PPP1R9A: variants seen among roughly 807,000 people sequenced by gnomAD.
The protein encoded by PPP1R9A is protein phosphatase 1 regulatory subunit 9A, also known as neurabin-1.
PPP1R9A carries 59 observed loss-of-function variants against 141.9 expected under a neutral mutation model. The ratio of observed to expected loss-of-function variants is 0.42; its 90% CI spans 0.34 to 0.52. The LOEUF (loss-of-function observed/expected upper bound fraction) is 0.52, where lower values mean the gene tolerates loss of function less well. PPP1R9A is among the 20% of genes least tolerant of loss of function. The pLI, the probability that PPP1R9A is intolerant of heterozygous loss-of-function variation, is 0.10. For missense variants in PPP1R9A, 1,444 were observed against 1,611.9 expected (o/e 0.90, Z 1.78); for synonymous variants, 500 against 569.7 (o/e 0.88, Z 1.74).
chr7:95,181,685 GTCACATATATATAGAATATA>G (rs1833855983), intron 5 of PPP1R9A, among the ~76,000 whole-genome samples: 1 of 117,956 alleles, frequency 8.5e-6, no homozygotes, highest in Non-Finnish European at 1.7e-5. Flanking sequence ...TATATATTCC[GTCACATATATATAGAATATA>G]TATATATTCC....
chr7:95,026,510 A>G (rs1806864865), intron 2 of PPP1R9A, among the ~76,000 whole-genome samples: 2 of 152,152 alleles, frequency 1.3e-5, no homozygotes, highest in Admixed American at 6.5e-5. Flanking sequence ...TGAGGTGTCT[A>G]TTGGTCCCTG....
intron 7 of PPP1R9A, among the ~76,000 whole-genome samples, chr7:95,209,894 A>G (rs1480006576): frequency 6.6e-6 from 1 of 152,236 alleles, no homozygotes; most frequent in African/African-American, 2.4e-5. Context: ...AGGAAAATTC[A>G]GGGAAATACA....
intron 4 of PPP1R9A, among the ~76,000 whole-genome samples, chr7:95,132,699 G>A (rs1043721009): frequency 6.6e-6 from 1 of 151,970 alleles, no homozygotes; most frequent in Admixed American, 6.5e-5. Flanking sequence ...TCACCCGCCC[G>A]CTGCAGGCTG....
intron 7 of PPP1R9A, among the ~76,000 whole-genome samples, chr7:95,225,497 G>A (rs1031202577): frequency 7.2e-5 from 11 of 152,086 alleles, no homozygotes; most frequent in African/African-American, 2.7e-4. Flanking sequence ...GAACTCTAAC[G>A]CTTAGGAGAA....
intron 5 of PPP1R9A, among the ~76,000 whole-genome samples, chr7:95,172,541 T>C (rs1465049950): frequency 2.0e-5 from 3 of 151,772 alleles, no homozygotes; most frequent in Non-Finnish European, 3.0e-5. Flanking sequence ...GATGACAGCA[T>C]CCAAAATATT....
chr7:95,060,416 G>A (rs898537098), intron 2 of PPP1R9A, among the ~76,000 whole-genome samples: 6 of 152,144 alleles, frequency 3.9e-5, no homozygotes, highest in Non-Finnish European at 7.4e-5. Flanking sequence ...TTTGAACTTG[G>A]AATGAACTAA....
chr7:94,987,042 G>A, intron 2 of PPP1R9A, among the ~76,000 whole-genome samples: 1 of 152,192 alleles, frequency 6.6e-6, no homozygotes, highest in South Asian at 2.1e-4. Flanking sequence ...GAACTATCCA[G>A]TTCCTTGGTG....
At chr7:95,217,521 A>C (rs1371098798) in intron 7 of PPP1R9A, among the ~76,000 whole-genome samples, 1 of 151,924 alleles carries the variant, frequency 6.6e-6, no homozygotes, top group Admixed American at 6.6e-5. Context: ...TTTTCTATTG[A>C]TTGGAATAGT....
At chr7:95,079,343 C>A (rs1278237460) in intron 2 of PPP1R9A, among the ~76,000 whole-genome samples, 2 of 152,234 alleles carry the variant, frequency 1.3e-5, no homozygotes, top group African/African-American at 4.8e-5. Flanking sequence ...TGATCTATAT[C>A]TCTGTTTTGG....
At chr7:95,087,932 T>C (rs1411638695) in intron 2 of PPP1R9A, among the ~76,000 whole-genome samples, 2 of 150,574 alleles carry the variant, frequency 1.3e-5, no homozygotes, top group East Asian at 1.9e-4. Flanking sequence ...AAAGGAATCA[T>C]GAAAGGGAAT....
chr7:95,199,992 A>G (rs1352488300), intron 6 of PPP1R9A, among the ~76,000 whole-genome samples: 1 of 151,904 alleles, frequency 6.6e-6, no homozygotes, highest in African/African-American at 2.4e-5. Context: ...CAAGTGGTGG[A>G]AGGGGACATG....
At chr7:95,102,316 C>A (rs868251211) in intron 2 of PPP1R9A, among the ~76,000 whole-genome samples, 1 of 152,034 alleles carries the variant, frequency 6.6e-6, no homozygotes, top group Non-Finnish European at 1.5e-5. Context: ...TATAAATAAG[C>A]CACAACTTAG....
chr7:95,246,569 C>T (rs546192024), intron 8 of PPP1R9A, among the ~76,000 whole-genome samples: 5 of 152,226 alleles, frequency 3.3e-5, no homozygotes, highest in Non-Finnish European at 7.4e-5. Flanking sequence ...CCTCCAAAGA[C>T]CCTGCTGTGG....
intron 5 of PPP1R9A, among the ~76,000 whole-genome samples, chr7:95,186,355 A>G (rs924326074): frequency 4.6e-5 from 7 of 152,144 alleles, no homozygotes; most frequent in Admixed American, 4.6e-4. Flanking sequence ...TGATTTGTGT[A>G]CATTCATTTT....
chr7:95,129,570 C>T (rs953358642), intron 4 of PPP1R9A, among the ~76,000 whole-genome samples: 3 of 152,070 alleles, frequency 2.0e-5, no homozygotes, highest in Non-Finnish European at 4.4e-5. Context: ...AATGTGGAAG[C>T]GACTTTGGAA....
chr7:95,219,065 G>T (rs1423255722), intron 7 of PPP1R9A, among the ~76,000 whole-genome samples: 1 of 152,056 alleles, frequency 6.6e-6, no homozygotes, highest in Non-Finnish European at 1.5e-5. Flanking sequence ...TCTTAGCCTC[G>T]ATGGTCTTTA....
At chr7:95,008,586 G>A (rs917282215) in intron 2 of PPP1R9A, among the ~76,000 whole-genome samples, 17 of 152,270 alleles carry the variant, frequency 1.1e-4, no homozygotes, top group Non-Finnish European at 4.4e-5. Context: ...AGCTCCTTCT[G>A]TCTAATGGGA....
intron 2 of PPP1R9A, among the ~76,000 whole-genome samples, chr7:95,089,069 C>T (rs976168686): frequency 6.6e-6 from 1 of 151,908 alleles, no homozygotes; most frequent in Admixed American, 6.6e-5. Flanking sequence ...ATGCCAACGT[C>T]TATTTATAAG....
intron 12 of PPP1R9A, among the ~76,000 whole-genome samples, chr7:95,263,485 A>C (rs1295704293): frequency 7.8e-6 from 1 of 127,740 alleles, no homozygotes; most frequent in East Asian, 2.4e-4. Flanking sequence ...CCCATGCTGG[A>C]GTGCAGTGGC....
Sources: allele counts gnomAD v4.1 joint callset (sites outside exome capture counted in the v4.1 genomes callset), GRCh38; gene constraint gnomAD v4.1.1; transcripts MANE v1.5; gene names NCBI Gene and HGNC (gene_info 2026-07-23, HGNC 2026-07-21).